The following ABCC5 variants were observed in gnomAD, a reference collection of about 807,000 sequenced individuals.
ABCC5 encodes the protein ATP binding cassette subfamily C member 5, also known as ATP-binding cassette sub-family C member 5.
A neutral mutation model predicts 160.9 loss-of-function variants in ABCC5; 61 were observed. That is an observed-to-expected ratio of 0.38 (90% CI 0.31 to 0.47). The LOEUF (loss-of-function observed/expected upper bound fraction) is 0.47. Ranked by LOEUF, ABCC5 falls within the 20% of genes least tolerant of loss-of-function variation. The pLI is 0.99. For synonymous variants in ABCC5, 666 were observed against 700.6 expected (o/e 0.95, Z 0.78); for missense variants, 1,308 against 1,813.3 (o/e 0.72, Z 5.06).
In ABCC5 at chr3:184,007,016, C is replaced by CTTTTTTTT. The variant is rs376229755; in HGVS notation, c.129+7240_129+7247dup. ...GTACATGAACTTTAGTTTACTTCTG[C>CTTTTTTTT]TTTTTTTTTTTTTTTTTTTTTTTTG... On this transcript the variant is annotated intron_variant, in intron 2 of 29. Transcript: ENST00000334444. Among the ~76,000 whole-genome samples, 23 of 81,138 alleles carry CTTTTTTTT rather than the reference C, an allele frequency of 2.8e-4. 1 individual carries two copies. Among genetic ancestry groups the CTTTTTTTT allele is most frequent in the Non-Finnish European group, 4.2e-4 (19 of 45,308 alleles). 53.2% of individuals were successfully genotyped at this position (81,138 alleles called of 152,430 possible). A position where few individuals can be genotyped will look rare whatever the true frequency, so the allele number is the denominator to read the frequency against.
rs1711946019 is a variant in ABCC5, at chr3:183,921,349, A to T, written c.4265T>A (p.Phe1422Tyr). The change falls in exon 30 of 30, where the codon TTC (phenylalanine) becomes TAC (tyrosine). Residue 1422 changes from phenylalanine to tyrosine, a missense_variant. By Grantham distance (22) the Phe-to-Tyr change is conservative. Transcript: ENST00000334444. This position sits in a 1 kb window ranked among gnomAD's most constrained non-coding sequence, Gnocchi z 4.1. ...SVLLSNDSSR[F>Y]YAMFAAAENK... Reference sequence around the variant, plus strand: ...CTCTGCAGCAGCAAACATGGCATAGAATCGGGAACTGTCGTTGGACAGAAG... The same window carrying T: ...CTCTGCAGCAGCAAACATGGCATAGTATCGGGAACTGTCGTTGGACAGAAG... 1 of 1,612,702 alleles carries T rather than the reference A, an allele frequency of 6.2e-7. No individual in the cohort carries two copies. The highest frequency in any genetic ancestry group is 1.3e-5 in the African/African-American group (1 of 74,880).
Position 183,988,537 on chromosome 3 carries a change from C to A in ABCC5, c.443+35G>T. The A allele has an allele frequency of 9.4e-6, 15 of 1,589,570 alleles. No individual in the cohort carries two copies. The highest frequency in any genetic ancestry group is 1.3e-5 in the Non-Finnish European group (15 of 1,170,434). On this transcript the variant is annotated intron_variant, in intron 4 of 29. Coordinates refer to ENST00000334444, the MANE Select transcript of ABCC5 (RefSeq NM_005688.4). The surrounding 1 kb of genome is among the most constrained non-coding windows in gnomAD (Gnocchi z 4.4). ...CCTAGCTCAGGCCCTGCCCACCCGG[C>A]ATGGGGGAGATGAGGGTGGACCAGA...
chr3:183,989,026 C>T (rs1388563902), intron 3 of ABCC5, among the ~76,000 whole-genome samples, 200 bp downstream of exon 3: 1 of 151,684 alleles, frequency 6.6e-6, no homozygotes, highest in East Asian at 1.9e-4. Context: ...ATTAGCTGGG[C>T]TTGGTGGTGG....
At chr3:183,964,675 C>T (rs1304693914) in intron 14 of ABCC5, among the ~76,000 whole-genome samples, 1 of 152,128 alleles carries the variant, frequency 6.6e-6, no homozygotes, top group Non-Finnish European at 1.5e-5. Flanking sequence ...GGTGCCAATC[C>T]CAGAGACCTT....
At position 183,952,010 on chromosome 3, in the gene ABCC5, G is replaced by T; in HGVS notation, c.2668-7C>A. ...CTCGAGTCACAGTGGTGTTCTGTTT[G>T]AAGCCAAAGTTCTATGAGGCCAGAC... On this transcript the variant is annotated splice_region_variant and splice_polypyrimidine_tract_variant and intron_variant, in intron 18 of 29. Transcript: ENST00000334444. 1 of 1,604,598 alleles carries T rather than the reference G, an allele frequency of 6.2e-7. No homozygotes were observed. The highest frequency in any genetic ancestry group is 8.5e-7 in the Non-Finnish European group (1 of 1,172,794).
chr3:183,982,529 G>C lies in ABCC5; in HGVS notation c.921C>G (p.Gly307=). 1 of 1,614,172 alleles carries C rather than the reference G, an allele frequency of 6.2e-7. No homozygotes were observed. Residue 307 remains glycine, a synonymous_variant, in exon 7 of 30, where the codon GGC becomes GGG. Transcript: ENST00000334444. The surrounding 1 kb of genome is among the most constrained non-coding windows in gnomAD (Gnocchi z 5.2). ...LAGGPVVAIL[G]MIYNVIILGP... is the part of the protein sequence containing the mutation. ...CCAGAATAATTACATTATAAATCATGCCTAAGATGGCAACAACGGGTCCTC... is the reference window on the plus strand; with the variant it reads ...CCAGAATAATTACATTATAAATCATCCCTAAGATGGCAACAACGGGTCCTC...
chr3:183,971,869 A>C lies in ABCC5; in HGVS notation c.1455T>G (p.Ser485Arg), dbSNP rs1181815172. ...TTTTCATCTCTATCTTGATGTGAGG[A>C]CTGGCTGGTTTGTTCTTTATCATGT... ...EVHMIKNKPASPHIKIEMKNA... is the reference protein window; with the variant it reads ...EVHMIKNKPARPHIKIEMKNA... The change falls in exon 11 of 30, where the codon AGT becomes AGG. Residue 485 changes from serine to arginine, a missense_variant. Physicochemically the swap from Ser to Arg is moderately radical, Grantham distance 110. Around this residue, in one of 3 missense-constraint regions of ABCC5, gnomAD observed 1,142 missense variants for 1,527.1 expected, o/e 0.75. Transcript: ENST00000334444. 5 of 1,614,006 alleles carry C rather than the reference A, an allele frequency of 3.1e-6. No homozygotes were observed. The highest frequency in any genetic ancestry group is 1.7e-5 in the Admixed American group (1 of 59,996).
intron 2 of ABCC5, chr3:184,006,374 G>T (rs1425123645): frequency 6.6e-6 from 1 of 151,026 alleles, no homozygotes; most frequent in African/African-American, 2.4e-5. Context: ...GAGTCACCGA[G>T]TATCAATCAA....
At chr3:183,984,397 A>G in intron 5 of ABCC5, 1 of 992,206 alleles carries the variant, frequency 1.0e-6, no homozygotes, top group Non-Finnish European at 1.2e-6. Context: ...GCCTTATAGC[A>G]AAGGTGACTG....
At position 183,983,027 on chromosome 3, in the gene ABCC5, C is replaced by A. The variant is rs774431981; in HGVS notation, c.592-20G>T. 6.3e-7 allele frequency: 1 copy of A among 1,578,936 alleles called. No individual in the cohort carries two copies. The highest frequency in any genetic ancestry group is 1.3e-5 in the African/African-American group (1 of 74,264). The stretch of plus-strand genomic sequence containing the variant: ...GAAGGCCTACAGGGAGAGACACACA[C>A]CACTGTCAACATCTCCACGGCACTC... On this transcript the variant is annotated intron_variant, in intron 5 of 29. Transcript: ENST00000334444.
rs763759629 is a variant in ABCC5 at position 183,987,704 on chromosome 3, T to A, written c.591+66A>T. The A allele has an allele frequency of 1.9e-6, 3 of 1,606,226 alleles. No homozygotes were observed. Among genetic ancestry groups the A allele is most frequent in the African/African-American group, 1.3e-5 (1 of 74,858 alleles). ...GCTGAGCACAACCTCTGCAACAGAA[T>A]AAGAGTGTTAGAGCTGGCCGTGGCC... is the stretch of plus-strand genomic sequence containing the variant. On this transcript the variant is annotated intron_variant, in intron 5 of 29. Coordinates refer to ENST00000334444, the MANE Select transcript of ABCC5 (RefSeq NM_005688.4). This position sits in a 1 kb window ranked among gnomAD's most constrained non-coding sequence, Gnocchi z 4.2.
chr3:183,951,666 G>T lies in ABCC5; in HGVS notation c.2815-96C>A. On this transcript the variant is annotated intron_variant, in intron 19 of 29. Coordinates refer to ENST00000334444, the MANE Select transcript of ABCC5 (RefSeq NM_005688.4). This position sits in a 1 kb window ranked among gnomAD's most constrained non-coding sequence, Gnocchi z 4.7. ...CGCAGCACATCCACTCCCAAAGCGG[G>T]GAGGTGTGAGGGGTCAGGAGGGACA... The T allele has an allele frequency of 7.8e-6, 12 of 1,534,110 alleles. No individual in the cohort carries two copies. The South Asian group carries it at 1.5e-4, about 19-fold the overall frequency.
chr3:184,006,896 A>G (rs988753338), intron 2 of ABCC5, among the ~76,000 whole-genome samples: 5 of 152,138 alleles, frequency 3.3e-5, no homozygotes, highest in African/African-American at 1.2e-4. Context: ...TCCTAGACAC[A>G]GGATATTCTA....
rs116406401 is a variant in ABCC5 at position 183,994,405 on chromosome 3, T to C, written c.130-5022A>G. 5.0e-3 allele frequency among the ~76,000 whole-genome samples: 756 copies of C among 152,164 alleles called. 11 individuals carry two copies. The highest frequency in any genetic ancestry group is 0.017 in the African/African-American group (706 of 41,494). On this transcript the variant is annotated intron_variant, in intron 2 of 29. Transcript: ENST00000334444. ...TTTTTTTTACCCCCAAGACGGAGTC[T>C]TGATCTGTCGCCCAGACTGGTGTGC...
At chr3:183,935,534 C>T (rs879887709) in intron 26 of ABCC5, among the ~76,000 whole-genome samples, 1 of 151,880 alleles carries the variant, frequency 6.6e-6, no homozygotes, top group African/African-American at 2.4e-5. Context: ...GACAGAGTCT[C>T]GCTCTGTCAC....
intron 1 of ABCC5, among the ~76,000 whole-genome samples, chr3:184,015,907 T>C (rs1722152846): frequency 6.6e-6 from 1 of 152,136 alleles, no homozygotes. Flanking sequence ...CCTTCAAGGG[T>C]TCCCTAGCTT....
At position 183,982,045 on chromosome 3, in the gene ABCC5, T is replaced by C. The variant is rs1718793088; in HGVS notation, c.1000-171A>G. The stretch of plus-strand genomic sequence containing the variant: ...ATAAAAGTGACCTATTGAATTGTAA[T>C]AAAACATTACTGAATTCTTATCTCT... On this transcript the variant is annotated intron_variant, in intron 7 of 29. Coordinates refer to ENST00000334444, the MANE Select transcript of ABCC5 (RefSeq NM_005688.4). The surrounding 1 kb of genome is among the most constrained non-coding windows in gnomAD (Gnocchi z 5.2). 6.6e-6 allele frequency among the ~76,000 whole-genome samples: 1 copy of C among 152,184 alleles called. No homozygotes were observed. The highest frequency in any genetic ancestry group is 1.5e-5 in the Non-Finnish European group (1 of 68,036).
chr3:183,998,319 C>T (rs1192383851), intron 2 of ABCC5, among the ~76,000 whole-genome samples: 1 of 152,056 alleles, frequency 6.6e-6, no homozygotes, highest in Non-Finnish European at 1.5e-5. Flanking sequence ...TTTTGTGGAC[C>T]TCAGGTTGTC....
At chr3:183,922,063 AAATAAATAAATAAAT>A (rs1369541049) in intron 29 of ABCC5, among the ~76,000 whole-genome samples, 1 of 148,312 alleles carries the variant, frequency 6.7e-6, no homozygotes, top group African/African-American at 2.4e-5. Flanking sequence ...ATAAATAAAT[AAATAAATAAATAAAT>A]AAAAAACAAC....
Sources: allele counts gnomAD v4.1 joint callset (sites outside exome capture counted in the v4.1 genomes callset), GRCh38; gene constraint gnomAD v4.1.1; regional missense constraint gnomAD v4.1.1; non-coding constraint Gnocchi (gnomAD v3.1); transcripts MANE v1.5; gene names NCBI Gene and HGNC (gene_info 2026-07-23, HGNC 2026-07-21).